CAV1: variants seen among roughly 807,000 people sequenced by gnomAD.
The protein encoded by CAV1 is caveolin-1.
In CAV1, 10 loss-of-function variants were observed where a neutral mutation model predicts 16.5. The ratio of observed to expected loss-of-function variants is 0.61; its 90% CI spans 0.37 to 1.03. CAV1 has a LOEUF of 1.03. Among genes scored for constraint, CAV1 ranks in the 50% least tolerant of loss-of-function variants. CAV1 has a pLI of 0.01. For missense variants in CAV1, 212 were observed against 232.8 expected (o/e 0.91, Z 0.58); for synonymous variants, 76 against 85.1 (o/e 0.89, Z 0.59).
In CAV1 at chr7:116,525,053, A is replaced by G; in HGVS notation, c.-10A>G. 6.2e-7 allele frequency: 1 copy of G among 1,614,056 alleles called. No homozygotes were observed. Among genetic ancestry groups the G allele is most frequent in the African/African-American group, 1.3e-5 (1 of 75,006 alleles). On this transcript the variant is annotated 5_prime_UTR_variant, in exon 1 of 3. Coordinates refer to ENST00000341049, the MANE Select transcript of CAV1 (RefSeq NM_001753.5). ...ACCTCCTCACAGTTTTCATCCAGCC[A>G]CGGGCCAGCATGTCTGGGGGCAAAT...
chr7:116,559,129 A>G lies in CAV1; in HGVS notation c.379A>G (p.Ile127Val). The G allele has an allele frequency of 6.2e-7, 1 of 1,613,968 alleles. No individual in the cohort carries two copies. Among genetic ancestry groups the G allele is most frequent in the Non-Finnish European group, 8.5e-7 (1 of 1,179,934 alleles). The change falls in exon 3 of 3, where the codon ATC (isoleucine) becomes GTC (valine). Residue 127 changes from isoleucine to valine, a missense_variant. Coordinates refer to ENST00000341049, the MANE Select transcript of CAV1 (RefSeq NM_001753.5). ...IYFAILSFLHIWAVVPCIKSF... is the reference protein window; with the variant it reads ...IYFAILSFLHVWAVVPCIKSF... ...CTTCGCCATTCTCTCTTTCCTGCAC[A>G]TCTGGGCAGTTGTACCATGCATTAA...
At chr7:116,537,337 G>T (rs1350254627) in intron 2 of CAV1, among the ~76,000 whole-genome samples, 1 of 152,116 alleles carries the variant, frequency 6.6e-6, no homozygotes, top group Non-Finnish European at 1.5e-5. Flanking sequence ...AATCAAGGGG[G>T]TTTGTGCAAG....
At position 116,527,726 on chromosome 7, in the gene CAV1, C is replaced by A. The variant is rs555783887; in HGVS notation, c.195+1037C>A. On this transcript the variant is annotated intron_variant, in intron 2 of 2. Transcript: ENST00000341049. ...GTGTGAAGATCTACTCCTATACAAC[C>A]CCCAGCAATCAATGAGGCGGATGAG... Among the ~76,000 whole-genome samples the A allele has an allele frequency of 4.6e-5, 7 of 152,262 alleles. No homozygotes were observed. The South Asian group carries it at 1.5e-3, about 32-fold the overall frequency.
intron 2 of CAV1, chr7:116,527,066 G>A (rs1793579657): frequency 5.8e-6 from 2 of 343,564 alleles, no homozygotes; most frequent in South Asian, 5.0e-5. Context: ...CTAGTGACAG[G>A]TCCCCACTGC....
chr7:116,526,484 C>T, intron 1 of CAV1, 41 bp from the exon 2 acceptor site: 2 of 1,612,926 alleles, frequency 1.2e-6, no homozygotes, highest in Non-Finnish European at 1.7e-6. Context: ...CCGCCGTTGC[C>T]GCCCTCCCCG....
At chr7:116,553,219 A>G (rs1794198378) in intron 2 of CAV1, among the ~76,000 whole-genome samples, 1 of 152,142 alleles carries the variant, frequency 6.6e-6, no homozygotes. Context: ...TGTTTTTCAA[A>G]TATTGCCTTC....
In CAV1 at chr7:116,546,271, G is replaced by T. The variant is rs139309438; in HGVS notation, c.196-12675G>T. On this transcript the variant is annotated intron_variant, in intron 2 of 2. Transcript: ENST00000341049. ...TGTACTGAGCCAGCTGCCACTAGAT[G>T]TTTTTTGTGATAATGAACACGTGAG... Among the ~76,000 whole-genome samples, 67 of 152,294 alleles carry T rather than the reference G, an allele frequency of 4.4e-4. No homozygotes were observed. In the East Asian group the frequency reaches 0.012, roughly 28 times the overall value.
intron 2 of CAV1, among the ~76,000 whole-genome samples, chr7:116,530,348 C>A (rs1190750383): frequency 2.6e-5 from 4 of 151,860 alleles, no homozygotes; most frequent in African/African-American, 7.3e-5. Context: ...TATGTGATCT[C>A]TACTGTAAGC....
At chr7:116,536,312 T>G (rs1193229943) in intron 2 of CAV1, among the ~76,000 whole-genome samples, 1 of 152,172 alleles carries the variant, frequency 6.6e-6, no homozygotes, top group Non-Finnish European at 1.5e-5. Context: ...TGCTTCCATG[T>G]GTGATGACCC....
intron 2 of CAV1, among the ~76,000 whole-genome samples, chr7:116,531,065 A>AAT (rs1793678811): frequency 1.3e-5 from 2 of 152,246 alleles, no homozygotes; most frequent in Admixed American, 1.3e-4. Context: ...AGGGATCATC[A>AAT]TGGTTACCAG....
rs376559796 is a variant in CAV1 at position 116,525,619 on chromosome 7, G to T, written c.30+527G>T. The T allele has an allele frequency of 1.6e-5, 18 of 1,138,508 alleles. No homozygotes were observed. The African/African-American group carries it at 2.4e-4, about 15-fold the overall frequency. 70.5% of individuals were successfully genotyped at this position (1,138,508 alleles called of 1,614,324 possible). A position where few individuals can be genotyped will look rare whatever the true frequency, so the allele number is the denominator to read the frequency against. On this transcript the variant is annotated intron_variant, in intron 1 of 2. Transcript: ENST00000341049. ...TCAAGAACTCCTTCTGCATCTTGGC[G>T]TCTGGCAGGGGTGTTCCGAGAGAGG...
intron 2 of CAV1, among the ~76,000 whole-genome samples, chr7:116,529,442 G>C (rs1793638617): frequency 6.6e-6 from 1 of 152,182 alleles, no homozygotes; most frequent in South Asian, 2.1e-4. Context: ...CACGTTGTGA[G>C]TGTGCAACAG....
rs761511417 is a variant in CAV1 at position 116,525,073 on chromosome 7, G to A, written c.11G>A (p.Gly4Asp). 1.2e-6 allele frequency: 2 copies of A among 1,614,200 alleles called. No individual in the cohort carries two copies. Among genetic ancestry groups the A allele is most frequent in the African/African-American group, 1.3e-5 (1 of 75,038 alleles). MSG[G>D]KYVDSEGHLY... ...CAGCCACGGGCCAGCATGTCTGGGG[G>A]CAAATACGTAGACTCGGAGGTAGGC... Residue 4 changes from glycine (G) to aspartate (D), a missense_variant, in exon 1 of 3, where the codon GGC (glycine) becomes GAC (aspartate). Transcript: ENST00000341049.
intron 1 of CAV1, 133 bp from the exon 2 acceptor site, chr7:116,526,392 A>T: frequency 6.5e-7 from 1 of 1,538,346 alleles, no homozygotes; most frequent in Admixed American, 1.9e-5. Flanking sequence ...CGGAGCGGTT[A>T]GTTCGATTTC....
intron 2 of CAV1, among the ~76,000 whole-genome samples, chr7:116,534,390 TA>T (rs1793759956): frequency 2.2e-3 from 33 of 14,980 alleles, no homozygotes; most frequent in African/African-American, 7.7e-3. Context: ...TATATATATA[TA>T]TATATTTTTT....
chr7:116,543,375 T>G (rs1793977159), intron 2 of CAV1, among the ~76,000 whole-genome samples: 1 of 152,292 alleles, frequency 6.6e-6, no homozygotes, highest in Admixed American at 6.5e-5. Context: ...GGTATTTAAT[T>G]AAATCATCTT....
At chr7:116,535,736 T>C (rs1046778598) in intron 2 of CAV1, among the ~76,000 whole-genome samples, 6 of 152,232 alleles carry the variant, frequency 3.9e-5, no homozygotes, top group Non-Finnish European at 7.3e-5. Context: ...GTTTCAGATA[T>C]GAAATACATC....
At chr7:116,555,480 A>G (rs865877951) in intron 2 of CAV1, among the ~76,000 whole-genome samples, 286 of 7,750 alleles carry the variant, frequency 0.037, 52 homozygotes, top group South Asian at 0.1. Context: ...AGGAAGGAGG[A>G]AAGAAAAGAA....
chr7:116,546,715 G>A (rs1225186601), intron 2 of CAV1, among the ~76,000 whole-genome samples: 64 of 94,998 alleles, frequency 6.7e-4, no homozygotes, highest in South Asian at 1.3e-3. Flanking sequence ...AAAAAAAAAA[G>A]TCTGCAGGCT....
Sources: allele counts gnomAD v4.1 joint callset (sites outside exome capture counted in the v4.1 genomes callset), GRCh38; gene constraint gnomAD v4.1.1; transcripts MANE v1.5; gene names NCBI Gene and HGNC (gene_info 2026-07-23, HGNC 2026-07-21).